MCF2L: variants seen among roughly 807,000 people sequenced by gnomAD.
The protein encoded by MCF2L is guanine nucleotide exchange factor DBS.
In MCF2L, 97 loss-of-function variants were observed where a neutral mutation model predicts 153.4. The observed-to-expected ratio is 0.63, with a 90% confidence interval of 0.54 to 0.75. The LOEUF is 0.75. Ranked by LOEUF, MCF2L falls within the 30% of genes least tolerant of loss-of-function variation. MCF2L has a pLI of 0.00. For missense variants in MCF2L, 1,347 were observed against 1,495.2 expected (o/e 0.90, Z 1.64); for synonymous variants, 659 against 632.2 (o/e 1.04, Z -0.64).
intron 26 of MCF2L, among the ~76,000 whole-genome samples, chr13:113,091,815 G>A (rs1412737578): frequency 2.0e-5 from 3 of 152,220 alleles, no homozygotes; most frequent in Admixed American, 1.3e-4. Flanking sequence ...GGACCTTCAA[G>A]TGCAGGGACG....
intron 2 of MCF2L, among the ~76,000 whole-genome samples, chr13:113,016,247 G>A (rs2084506818): frequency 6.6e-6 from 1 of 152,176 alleles, no homozygotes; most frequent in Non-Finnish European, 1.5e-5. Flanking sequence ...GAAGAGATGG[G>A]GCTCTTCCTG....
chr13:113,094,499 G>T lies in MCF2L; in HGVS notation c.2954-15G>T. 1 of 1,605,340 alleles carries T rather than the reference G, an allele frequency of 6.2e-7. No individual in the cohort carries two copies. ...CATCACCGGGGGGTCCCTCACGGGT[G>T]TCTGTCTCTCTTAGGTTGGAGCAAA... On this transcript the variant is annotated splice_polypyrimidine_tract_variant and intron_variant, in intron 26 of 29. Transcript: ENST00000535094.
chr13:112,925,416 G>A lies in MCF2L; in HGVS notation c.169+23045G>A, dbSNP rs80048487. On this transcript the variant is annotated intron_variant, in intron 2 of 29. Coordinates refer to the MCF2L transcript ENST00000375608. ...GGAAGGAGTACTTCTGTACGTGTAC[G>A]TATGTGGACGTTCACAGCAGCTTGA... is the stretch of plus-strand genomic sequence containing the variant. 1.4e-4 allele frequency among the ~76,000 whole-genome samples: 22 copies of A among 152,322 alleles called. No individual in the cohort carries two copies. In the East Asian group the frequency reaches 3.9e-3, roughly 27 times the overall value.
intron 2 of MCF2L, among the ~76,000 whole-genome samples, chr13:112,933,462 G>A (rs1478841882): frequency 6.6e-6 from 1 of 152,202 alleles, no homozygotes; most frequent in African/African-American, 2.4e-5. Context: ...CGTGCTGCCC[G>A]CCTTCCAAAC....
chr13:113,095,462 G>C, intron 27 of MCF2L: 16 of 1,079,912 alleles, frequency 1.5e-5, no homozygotes, highest in Non-Finnish European at 1.8e-5. Context: ...GGTGGAACAG[G>C]GTGCACGGGG....
chr13:112,990,643 C>T (rs1216635544), intron 1 of MCF2L, among the ~76,000 whole-genome samples: 5 of 152,216 alleles, frequency 3.3e-5, no homozygotes, highest in Non-Finnish European at 7.3e-5. Context: ...TTTCAGAAAA[C>T]CAAACTGCTT....
chr13:113,007,611 A>G (rs2083791953), intron 1 of MCF2L, among the ~76,000 whole-genome samples: 1 of 152,262 alleles, frequency 6.6e-6, no homozygotes, highest in Admixed American at 6.5e-5. Flanking sequence ...GCTCCAGTGA[A>G]ACACGCAGTG....
Position 112,905,759 on chromosome 13 carries a change from G to A in MCF2L, c.169+3388G>A, listed in dbSNP as rs142812401. Among the ~76,000 whole-genome samples, 422 of 152,214 alleles carry A rather than the reference G, an allele frequency of 2.8e-3. 3 individuals are homozygous for A. Among genetic ancestry groups the A allele is most frequent in the African/African-American group, 9.9e-3 (410 of 41,514 alleles). ...TGAGTAATATTCCATAGTGTGGGTG[G>A]ACCACATTTGTTTCTTCACACATTC... On this transcript the variant is annotated intron_variant, in intron 2 of 29. Transcript: ENST00000375608.
At chr13:112,906,923 G>A (rs115907342) in intron 2 of MCF2L, among the ~76,000 whole-genome samples, 13 of 152,302 alleles carry the variant, frequency 8.5e-5, no homozygotes, top group African/African-American at 3.1e-4. Context: ...CACTGTTCAG[G>A]TGCTGGGCAA....
In MCF2L at chr13:113,027,784, G is replaced by A. The variant is rs575804824; in HGVS notation, c.278+3026G>A. On this transcript the variant is annotated intron_variant, in intron 3 of 29. Transcript: ENST00000535094. This position sits in a 1 kb window ranked among gnomAD's most constrained non-coding sequence, Gnocchi z 4.8. ...TGTTATAGATGAGGCTTAATAACAC[G>A]GTGATGGCTGGAGAAAGGGGATGGC... Among the ~76,000 whole-genome samples the A allele has an allele frequency of 1.3e-3, 205 of 152,312 alleles. No individual in the cohort carries two copies. Among genetic ancestry groups the A allele is most frequent in the Non-Finnish European group, 2.2e-3 (149 of 68,024 alleles).
chr13:112,895,173 A>G (rs1430744454), intron 1 of MCF2L, among the ~76,000 whole-genome samples: 1 of 151,790 alleles, frequency 6.6e-6, no homozygotes, highest in Non-Finnish European at 1.5e-5. Context: ...CTTGCTTCAG[A>G]CCCTTATATA....
At chr13:112,995,330 A>G (rs2083080097) in intron 1 of MCF2L, among the ~76,000 whole-genome samples, 1 of 152,254 alleles carries the variant, frequency 6.6e-6, no homozygotes, top group African/African-American at 2.4e-5. Flanking sequence ...ATTAAGAGAA[A>G]GAAGGAAAGA....
intron 3 of MCF2L, chr13:113,042,421 T>C (rs537847572): frequency 2.0e-5 from 3 of 152,262 alleles, no homozygotes; most frequent in Non-Finnish European, 2.9e-5. Flanking sequence ...TTCTAAAAAA[T>C]GTTTTAGTCG....
At chr13:113,056,570 GTTT>G (rs2029875337) in intron 4 of MCF2L, among the ~76,000 whole-genome samples, 2 of 145,310 alleles carry the variant, frequency 1.4e-5, no homozygotes, top group South Asian at 2.3e-4. Flanking sequence ...GGCGCTGAGT[GTTT>G]GCGTGCTGTG....
intron 2 of MCF2L, among the ~76,000 whole-genome samples, chr13:112,906,116 C>T (rs191871279): frequency 4.6e-5 from 7 of 152,186 alleles, no homozygotes; most frequent in East Asian, 3.9e-4. Context: ...TCGCTCGGTG[C>T]GGTCTGAAGC....
At chr13:113,032,865 G>A (rs542586176) in intron 3 of MCF2L, among the ~76,000 whole-genome samples, 119 of 152,346 alleles carry the variant, frequency 7.8e-4, no homozygotes, top group Non-Finnish European at 1.4e-3. Context: ...CATCGTGCCC[G>A]CCTGTGCCTT....
chr13:112,968,679 T>C, upstream of MCF2L: 2 of 1,479,066 alleles, frequency 1.4e-6, no homozygotes, highest in South Asian at 1.3e-5. Context: ...TGCTGCGGCC[T>C]CTGCAGCTTC....
intron 2 of MCF2L, among the ~76,000 whole-genome samples, chr13:113,016,824 G>GC (rs1483473789): frequency 6.6e-6 from 1 of 152,150 alleles, no homozygotes; most frequent in African/African-American, 2.4e-5. Flanking sequence ...CTCCTCGCCT[G>GC]CGCTCTGCTC....
At chr13:112,991,919 C>T (rs1451502164) in intron 1 of MCF2L, among the ~76,000 whole-genome samples, 1 of 152,218 alleles carries the variant, frequency 6.6e-6, no homozygotes, top group Admixed American at 6.5e-5. Flanking sequence ...GTCTTACCCT[C>T]CCTAGTGATC....
Sources: allele counts gnomAD v4.1 joint callset (sites outside exome capture counted in the v4.1 genomes callset), GRCh38; gene constraint gnomAD v4.1.1; non-coding constraint Gnocchi (gnomAD v3.1); transcripts MANE v1.5; gene names NCBI Gene and HGNC (gene_info 2026-07-23, HGNC 2026-07-21).